ATXN7L1: variants seen among roughly 807,000 people sequenced by gnomAD.
ATXN7L1 encodes the protein ataxin-7-like protein 1.
In ATXN7L1, 15 loss-of-function variants were observed where a neutral mutation model predicts 70.8. The observed-to-expected ratio is 0.21, with a 90% confidence interval of 0.14 to 0.33. The LOEUF (loss-of-function observed/expected upper bound fraction) is 0.33, where lower values mean the gene tolerates loss of function less well. Among genes scored for constraint, ATXN7L1 ranks in the 10% least tolerant of loss-of-function variants. The probability of loss-of-function intolerance (pLI) is 1.00; values close to 1 mark genes in which losing one functional copy is unlikely to be tolerated. For missense variants in ATXN7L1, 975 were observed against 1,097.1 expected (o/e 0.89, Z 1.57); for synonymous variants, 440 against 445.1 (o/e 0.99, Z 0.14).
At chr7:105,860,451 A>G (rs1221404883) in intron 2 of ATXN7L1, among the ~76,000 whole-genome samples, 1 of 152,160 alleles carries the variant, frequency 6.6e-6, no homozygotes, top group East Asian at 1.9e-4. Context: ...TTTGCATTGT[A>G]GCTCCAGCTA....
At position 105,643,074 on chromosome 7, in the gene ATXN7L1, T is replaced by G. The variant is rs1366261563; in HGVS notation, c.626A>C (p.Lys209Thr). 2 of 1,544,932 alleles carry G rather than the reference T, an allele frequency of 1.3e-6. No individual in the cohort carries two copies. The highest frequency in any genetic ancestry group is 1.8e-6 in the Non-Finnish European group (2 of 1,142,546). ...CATTTTGACATTGGCACCATCTGCCTTCACTAGGTTAGGAATTTTCTCTAA... is the reference window on the plus strand; with the variant it reads ...CATTTTGACATTGGCACCATCTGCCGTCACTAGGTTAGGAATTTTCTCTAA... ...VSLEKIPNLV[K>T]ADGANVKMNS... is the part of the protein sequence containing the mutation. The change falls in exon 5 of 12, where the codon AAG becomes ACG. Residue 209 changes from lysine to threonine, a missense_variant. Lys to Thr is a moderately conservative substitution (Grantham distance 78). Coordinates refer to ENST00000419735, the MANE Select transcript of ATXN7L1 (RefSeq NM_020725.2).
At chr7:105,699,522 T>A (rs537311059) in intron 3 of ATXN7L1, among the ~76,000 whole-genome samples, 1 of 152,228 alleles carries the variant, frequency 6.6e-6, no homozygotes, top group Admixed American at 6.5e-5. Context: ...CAAGCATTAA[T>A]TGCTATAAAA....
chr7:105,672,861 C>T (rs1803979424), intron 3 of ATXN7L1, among the ~76,000 whole-genome samples: 1 of 152,184 alleles, frequency 6.6e-6, no homozygotes, highest in South Asian at 2.1e-4. Flanking sequence ...TTGCCTAAGA[C>T]CTCAATCACA....
At chr7:105,842,360 G>A (rs756794447) in intron 2 of ATXN7L1, among the ~76,000 whole-genome samples, 10 of 152,030 alleles carry the variant, frequency 6.6e-5, no homozygotes, top group African/African-American at 2.2e-4. Flanking sequence ...GAGAAACCCC[G>A]TACTTCCCAA....
chr7:105,678,090 T>C, intron 3 of ATXN7L1: 2 of 720,708 alleles, frequency 2.8e-6, no homozygotes, highest in Non-Finnish European at 3.4e-6. Context: ...TACAGACACA[T>C]ACTTTTTTTT....
chr7:105,769,422 T>C (rs1801694811), intron 3 of ATXN7L1, among the ~76,000 whole-genome samples: 1 of 152,144 alleles, frequency 6.6e-6, no homozygotes, highest in African/African-American at 2.4e-5. Flanking sequence ...CGTGCTTGAC[T>C]CTCTTATCCC....
At chr7:105,716,722 G>T (rs913688349) in intron 3 of ATXN7L1, among the ~76,000 whole-genome samples, 2 of 91,950 alleles carry the variant, frequency 2.2e-5, no homozygotes, top group Non-Finnish European at 4.8e-5. Flanking sequence ...CACACACACA[G>T]TACAAAAATT....
At chr7:105,792,554 A>G (rs1805407397) in intron 2 of ATXN7L1, among the ~76,000 whole-genome samples, 1 of 152,214 alleles carries the variant, frequency 6.6e-6, no homozygotes, top group Non-Finnish European at 1.5e-5. Flanking sequence ...TCTGCTAATT[A>G]ATTCTCTTTC....
chr7:105,807,016 T>C (rs984124637), intron 2 of ATXN7L1, among the ~76,000 whole-genome samples: 1 of 152,250 alleles, frequency 6.6e-6, no homozygotes, highest in Non-Finnish European at 1.5e-5. Flanking sequence ...TTTTGCCATC[T>C]TCACCTGGCC....
At chr7:105,706,568 A>G (rs577379528) in intron 3 of ATXN7L1, among the ~76,000 whole-genome samples, 2 of 151,578 alleles carry the variant, frequency 1.3e-5, no homozygotes, top group African/African-American at 4.9e-5. Flanking sequence ...ACCACCAAAA[A>G]AAACAAAAAC....
chr7:105,669,006 G>A (rs768058255), intron 3 of ATXN7L1, among the ~76,000 whole-genome samples: 10 of 152,002 alleles, frequency 6.6e-5, no homozygotes, highest in Non-Finnish European at 1.3e-4. Context: ...CCTTGGCCTC[G>A]CAAAATGTTG....
At chr7:105,613,821 C>A in intron 10 of ATXN7L1, 41 bp downstream of exon 10, 5 of 1,551,514 alleles carry the variant, frequency 3.2e-6, no homozygotes, top group Non-Finnish European at 4.4e-6. Flanking sequence ...GCTCCCCCTG[C>A]CCCCCAGAGC....
rs942616706 is a variant in ATXN7L1 at position 105,606,105 on chromosome 7, T to G, written c.*1747A>C. 2 of 152,146 alleles carry G rather than the reference T, an allele frequency of 1.3e-5. No individual in the cohort carries two copies. Among genetic ancestry groups the G allele is most frequent in the African/African-American group, 4.8e-5 (2 of 41,428 alleles). 9.4% of individuals were successfully genotyped at this position (152,146 alleles called of 1,614,324 possible). ...ATCATCCCTTCAATTTGCAGTCTCTTTTCCCAAGACGTAAATAAACCAGCA... is the reference window on the plus strand; with the variant it reads ...ATCATCCCTTCAATTTGCAGTCTCTGTTCCCAAGACGTAAATAAACCAGCA... On this transcript the variant is annotated 3_prime_UTR_variant, in exon 12 of 12. Coordinates refer to ENST00000419735, the MANE Select transcript of ATXN7L1 (RefSeq NM_020725.2).
chr7:105,614,370 G>C lies in ATXN7L1; in HGVS notation c.1964C>G (p.Ser655Cys), dbSNP rs1336752820. The C allele has an allele frequency of 6.4e-7, 1 of 1,552,464 alleles. No homozygotes were observed. The highest frequency in any genetic ancestry group is 1.4e-5 in the African/African-American group (1 of 73,180). Residue 655 changes from serine (S) to cysteine (C), a missense_variant, in exon 10 of 12, where the codon TCC (serine) becomes TGC (cysteine). Around this residue, in one of 5 missense-constraint regions of ATXN7L1, gnomAD observed 635 missense variants for 699.4 expected, o/e 0.91. Coordinates refer to ENST00000419735, the MANE Select transcript of ATXN7L1 (RefSeq NM_020725.2). This position sits in a 1 kb window ranked among gnomAD's most constrained non-coding sequence, Gnocchi z 4.3. ...RKPQSSTSSS[S>C]SSSSSSLQTS... The stretch of plus-strand genomic sequence containing the variant: ...CTGCAAGGAAGAGGAGGAGGAGGAG[G>C]AGGAGGAGGAAGTCGAAGACTGTGG...
At position 105,870,756 on chromosome 7, in the gene ATXN7L1, G is replaced by A. The variant is rs142770146; in HGVS notation, c.250+5056C>T. Among the ~76,000 whole-genome samples, 48 of 152,284 alleles carry A rather than the reference G, an allele frequency of 3.2e-4. 2 individuals carry two copies. The highest frequency in any genetic ancestry group is 1.6e-3 in the Admixed American group (25 of 15,296). On this transcript the variant is annotated intron_variant, in intron 2 of 11. Transcript: ENST00000419735. ...AAAAGGTTAGCACAGAAGAATGGCCGTCCTTGGAATTTTCTCTCATAAACA... is the reference window on the plus strand; with the variant it reads ...AAAAGGTTAGCACAGAAGAATGGCCATCCTTGGAATTTTCTCTCATAAACA...
Position 105,638,497 on chromosome 7 carries a change from T to C in ATXN7L1, c.1058A>G (p.His353Arg). The C allele has an allele frequency of 3.9e-6, 6 of 1,552,350 alleles. No homozygotes were observed. Among genetic ancestry groups the C allele is most frequent in the Non-Finnish European group, 5.2e-6 (6 of 1,147,138 alleles). ...SREKEVKDKE[H>R]LLTSTREILP... The stretch of plus-strand genomic sequence containing the variant: ...TATTTCCCTCGTGGAAGTCAGGAGA[T>C]GCTCTTTATCTTTAACTTCTTTTTC... The change falls in exon 7 of 12, where the codon CAT becomes CGT. Residue 353 changes from histidine (H) to arginine (R), a missense_variant. This residue lies in a region of ATXN7L1 where 635 missense variants were observed against 699.4 expected (regional missense o/e 0.91). Coordinates refer to ENST00000419735, the MANE Select transcript of ATXN7L1 (RefSeq NM_020725.2).
intron 9 of ATXN7L1, among the ~76,000 whole-genome samples, chr7:105,619,392 G>A (rs1316474097): frequency 2.8e-5 from 4 of 144,430 alleles, no homozygotes; most frequent in East Asian, 2.0e-4. Context: ...CAGTTGATCC[G>A]CTCGCCTCAG....
intron 3 of ATXN7L1, among the ~76,000 whole-genome samples, chr7:105,679,760 G>C (rs1323962200): frequency 6.6e-6 from 1 of 152,098 alleles, no homozygotes; most frequent in Non-Finnish European, 1.5e-5. Flanking sequence ...CCGACTTGTG[G>C]TTGTCAGGGG....
At chr7:105,627,623 C>T (rs1459947420) in intron 7 of ATXN7L1, among the ~76,000 whole-genome samples, 1 of 151,804 alleles carries the variant, frequency 6.6e-6, no homozygotes, top group African/African-American at 2.4e-5. Context: ...CCTCCACCTC[C>T]CAGGTTTGAG....
Sources: gnomAD v4.1 joint callset for allele counts (sites outside exome capture counted in the v4.1 genomes callset) on GRCh38, gnomAD v4.1.1 for gene constraint, gnomAD v4.1.1 regional missense constraint, Gnocchi (gnomAD v3.1) non-coding constraint, MANE v1.5 for transcripts, NCBI Gene and HGNC (gene_info 2026-07-23, HGNC 2026-07-21) for gene names.